The following DLGAP2 variants were observed in gnomAD, a reference collection of about 807,000 sequenced individuals.
The protein encoded by DLGAP2 is DLG associated protein 2, also known as disks large-associated protein 2.
Under a neutral mutation model 100.3 loss-of-function variants are expected in DLGAP2, and 26 were observed. The ratio of observed to expected loss-of-function variants is 0.26; its 90% CI spans 0.19 to 0.36. DLGAP2 has a LOEUF of 0.36. Ranked by LOEUF, DLGAP2 falls within the 10% of genes least tolerant of loss-of-function variation. The pLI is 1.00. For synonymous variants in DLGAP2, 886 were observed against 630.1 expected (o/e 1.41, Z -6.08); for missense variants, 1,858 against 1,453.2 (o/e 1.28, Z -4.53).
rs75002668 is a variant in DLGAP2 at position 1,663,412 on chromosome 8, C to T, written c.1811-4917C>T. On this transcript the variant is annotated intron_variant, in intron 8 of 14. Transcript: ENST00000637795. ...AGCGCCCTTACTGTGCACCCGTCTT[C>T]GCCAGCTTCTCTGGATGCTTATCTC... Among the ~76,000 whole-genome samples the T allele has an allele frequency of 6.6e-3, 1,002 of 152,118 alleles. 33 individuals are homozygous for T. The highest frequency in any genetic ancestry group is 0.05 in the East Asian group (259 of 5,162).
At chr8:1,120,470 C>A (rs1394846356) in intron 2 of DLGAP2, among the ~76,000 whole-genome samples, 1 of 152,156 alleles carries the variant, frequency 6.6e-6, no homozygotes, top group African/African-American at 2.4e-5. Context: ...ACCATAACCA[C>A]CTTTCTGCTA....
chr8:764,939 A>G (rs1183950430), intron 1 of DLGAP2, among the ~76,000 whole-genome samples: 1 of 152,268 alleles, frequency 6.6e-6, no homozygotes, highest in Non-Finnish European at 1.5e-5. Context: ...AAAATGAATG[A>G]TTCCTCAGCA....
intron 1 of DLGAP2, among the ~76,000 whole-genome samples, chr8:765,955 T>G (rs1339276851): frequency 6.6e-6 from 1 of 151,936 alleles, no homozygotes; most frequent in Admixed American, 6.6e-5. Flanking sequence ...CATCACAAGG[T>G]CGGGAATTCG....
chr8:1,085,832 G>C (rs190753123), intron 2 of DLGAP2, among the ~76,000 whole-genome samples: 1 of 152,092 alleles, frequency 6.6e-6, no homozygotes, highest in Non-Finnish European at 1.5e-5. Flanking sequence ...AATAGTGCTT[G>C]TACTGAATCT....
At chr8:1,244,695 T>G (rs79471424) in intron 2 of DLGAP2, among the ~76,000 whole-genome samples, 2 of 152,184 alleles carry the variant, frequency 1.3e-5, no homozygotes, top group Non-Finnish European at 2.9e-5. Context: ...ACGTGCATCT[T>G]TGTGATCTTA....
intron 2 of DLGAP2, among the ~76,000 whole-genome samples, chr8:928,699 C>T (rs1798873728): frequency 1.3e-5 from 2 of 152,062 alleles, no homozygotes; most frequent in South Asian, 2.1e-4. Flanking sequence ...CCGGGTCAGG[C>T]GCAAGGTGTC....
chr8:1,001,333 C>G (rs1800949816), intron 2 of DLGAP2, among the ~76,000 whole-genome samples: 1 of 152,152 alleles, frequency 6.6e-6, no homozygotes, highest in Non-Finnish European at 1.5e-5. Flanking sequence ...AGTTTTTGAA[C>G]AAAAACATAA....
chr8:1,633,797 G>T (rs116562125), intron 8 of DLGAP2, among the ~76,000 whole-genome samples: 3,409 of 152,310 alleles, frequency 0.022, 137 homozygotes, highest in African/African-American at 0.078. Context: ...CTGAATACCA[G>T]AGGGCTTGGA....
intron 2 of DLGAP2, among the ~76,000 whole-genome samples, chr8:1,042,470 C>T (rs747474323): frequency 2.6e-5 from 4 of 152,104 alleles, no homozygotes; most frequent in Non-Finnish European, 5.9e-5. Flanking sequence ...CAAAGGAAGC[C>T]GTAGGCCTGC....
chr8:1,229,167 T>G (rs751341730), intron 2 of DLGAP2, among the ~76,000 whole-genome samples: 95 of 152,080 alleles, frequency 6.2e-4, no homozygotes, highest in Admixed American at 1.1e-3. Flanking sequence ...TTATAAAACT[T>G]ATACTCTGAA....
intron 11 of DLGAP2, among the ~76,000 whole-genome samples, chr8:1,677,713 G>T (rs1186585538): frequency 6.6e-6 from 1 of 152,214 alleles, no homozygotes; most frequent in Admixed American, 6.5e-5. Context: ...ACCTGCCAAA[G>T]TCAGAATTTG....
Position 1,171,972 on chromosome 8 carries a change from C to T in DLGAP2, c.74-86879C>T, listed in dbSNP as rs561230839. On this transcript the variant is annotated intron_variant, in intron 2 of 14. Coordinates refer to ENST00000637795, the MANE Select transcript of DLGAP2 (RefSeq NM_001346810.2). ...GCTCGTTAGTTGATGCAGTTTCTTC[C>T]TAGTCTGGATGGTCTTTACATTTTG... Among the ~76,000 whole-genome samples, 242 of 152,176 alleles carry T rather than the reference C, an allele frequency of 1.6e-3. 2 individuals are homozygous for T. Among genetic ancestry groups the T allele is most frequent in the African/African-American group, 5.7e-3 (236 of 41,512 alleles).
At position 1,603,409 on chromosome 8, in the gene DLGAP2, G is replaced by A. The variant is rs528347719; in HGVS notation, c.1443-23331G>A. Among the ~76,000 whole-genome samples the A allele has an allele frequency of 6.6e-5, 10 of 151,702 alleles. No individual in the cohort carries two copies. In the East Asian group the frequency reaches 2.0e-3, roughly 30 times the overall value. On this transcript the variant is annotated intron_variant, in intron 6 of 14. Coordinates refer to ENST00000637795, the MANE Select transcript of DLGAP2 (RefSeq NM_001346810.2). ...CTCAGTTCTGTAGAGGCTGGTTAGA[G>A]TGGAGGCTGGGTCTCAGTTCTACAG...
intron 2 of DLGAP2, among the ~76,000 whole-genome samples, chr8:966,158 C>G (rs1254932984): frequency 6.6e-6 from 1 of 152,214 alleles, no homozygotes; most frequent in African/African-American, 2.4e-5. Context: ...GTAAACGCAG[C>G]TGTAACATCT....
chr8:1,411,301 G>A (rs972411086), intron 3 of DLGAP2, among the ~76,000 whole-genome samples: 5 of 152,182 alleles, frequency 3.3e-5, no homozygotes, highest in African/African-American at 1.2e-4. Flanking sequence ...AAAGAAAACA[G>A]AGTTAGGAAT....
At chr8:811,793 A>G (rs1479250477) in intron 1 of DLGAP2, among the ~76,000 whole-genome samples, 1 of 152,258 alleles carries the variant, frequency 6.6e-6, no homozygotes, top group African/African-American at 2.4e-5. Flanking sequence ...CAGCTTTCAG[A>G]TGAAGCTCCC....
At chr8:1,519,740 G>A (rs574017637) in intron 4 of DLGAP2, among the ~76,000 whole-genome samples, 24 of 152,378 alleles carry the variant, frequency 1.6e-4, no homozygotes, top group African/African-American at 5.0e-4. Context: ...GCCAGCCTGC[G>A]GGCCTGGCCC....
intron 3 of DLGAP2, among the ~76,000 whole-genome samples, chr8:1,498,687 C>T (rs540379181): frequency 3.9e-5 from 6 of 152,320 alleles, no homozygotes; most frequent in South Asian, 2.1e-4. Context: ...GCATTTATAA[C>T]AATCTACTTT....
intron 1 of DLGAP2, among the ~76,000 whole-genome samples, chr8:836,483 G>C (rs1039555620): frequency 6.6e-6 from 1 of 152,208 alleles, no homozygotes; most frequent in Admixed American, 6.5e-5. Flanking sequence ...TGTGTGCCAG[G>C]CTCCTGAGAT....
Sources: allele counts gnomAD v4.1 joint callset (sites outside exome capture counted in the v4.1 genomes callset), GRCh38; gene constraint gnomAD v4.1.1; transcripts MANE v1.5; gene names NCBI Gene and HGNC (gene_info 2026-07-23, HGNC 2026-07-21).